TAL1: variants seen among roughly 807,000 people sequenced by gnomAD.
The protein encoded by TAL1 is T-cell acute lymphocytic leukemia protein 1.
Under a neutral mutation model 17.9 loss-of-function variants are expected in TAL1, and 8 were observed. The ratio of observed to expected loss-of-function variants is 0.45; its 90% CI spans 0.26 to 0.81. The LOEUF (loss-of-function observed/expected upper bound fraction) is 0.81, where lower values mean the gene tolerates loss of function less well. Among genes scored for constraint, TAL1 ranks in the 30% least tolerant of loss-of-function variants. TAL1 has a pLI of 0.17. For synonymous variants in TAL1, 223 were observed against 218.6 expected, an observed-to-expected ratio of 1.02 and a Z score of -0.18; for missense variants, 466 against 486.9, an observed-to-expected ratio of 0.96 and a Z score of 0.40.
intron 3 of TAL1, among the ~76,000 whole-genome samples, chr1:47,220,643 T>C (rs1569892159): frequency 6.6e-6 from 1 of 152,266 alleles, no homozygotes; most frequent in African/African-American, 2.4e-5. Context: ...AAAATGGAGG[T>C]AATACTACTA....
At chr1:47,219,248 C>T (rs777003719) in exon 4 of TAL1, 10 of 443,886 alleles carry the variant, frequency 2.3e-5, no homozygotes, top group African/African-American at 3.9e-5. Context: ...ATGGGGCTCA[C>T]GAAATGGGCA....
intron 1 of TAL1, chr1:47,228,821 G>A (rs962448556): frequency 4.4e-5 from 7 of 157,536 alleles, no homozygotes; most frequent in African/African-American, 1.7e-4. Context: ...CTCGAGCTGG[G>A]ACTGCACTAG....
exon 4 of TAL1, chr1:47,219,321 A>G (rs1443937941): frequency 2.0e-6 from 1 of 512,272 alleles, no homozygotes; most frequent in Admixed American, 2.5e-5. Flanking sequence ...CCAGCTTGGG[A>G]GGGGCTAAAG....
chr1:47,225,625 C>T, exon 2 of TAL1: 1 of 1,382,500 alleles, frequency 7.2e-7, no homozygotes. Context: ...CGGTGGTGGG[C>T]ACCCGATGGC....
chr1:47,225,760 G>A, exon 2 of TAL1: 1 of 1,545,334 alleles, frequency 6.5e-7, no homozygotes, highest in Non-Finnish European at 8.6e-7. Flanking sequence ...CTGCGGCCGC[G>A]CGGCTCGTCT....
At chr1:47,222,015 G>C (rs1431098234) in intron 3 of TAL1, among the ~76,000 whole-genome samples, 2 of 152,230 alleles carry the variant, frequency 1.3e-5, no homozygotes, top group Non-Finnish European at 2.9e-5. Context: ...ACCCAGCCTG[G>C]GAAAAACACA....
upstream of TAL1, chr1:47,230,335 T>C (rs1401477554): frequency 6.6e-6 from 1 of 152,258 alleles, no homozygotes; most frequent in Non-Finnish European, 1.5e-5. Flanking sequence ...GTCAGGCTTA[T>C]GATCACACAT....
At position 47,225,412 on chromosome 1, in the gene TAL1, AGCCCCTGGCCCCTG is replaced by A. The variant is rs539277429; in HGVS notation, c.446+17_446+30del. 5.7e-6 allele frequency: 7 copies of A among 1,220,918 alleles called. No homozygotes were observed. Among genetic ancestry groups the A allele is most frequent in the South Asian group, 8.3e-5 (2 of 24,032 alleles). 75.6% of individuals were successfully genotyped at this position (1,220,918 alleles called of 1,614,324 possible). On this transcript the variant is annotated intron_variant, in intron 2 of 3. Transcript: ENST00000294339. ...GGGTGGTCGCCCTGCCCACCCGCCCAGCCCCTGGCCCCTGGCCCCTGGCCCCTGACCTGCCGAGA... is the reference window on the plus strand; with the variant it reads ...GGGTGGTCGCCCTGCCCACCCGCCCAGCCCCTGGCCCCTGACCTGCCGAGA...
exon 4 of TAL1, chr1:47,219,650 C>G (rs1645570393): frequency 6.3e-7 from 1 of 1,591,754 alleles, no homozygotes; most frequent in African/African-American, 1.3e-5. Flanking sequence ...TCTCACCCCA[C>G]CTGCCCTGAA....
intron 1 of TAL1, chr1:47,227,741 T>C (rs1449245721): frequency 6.6e-6 from 1 of 151,832 alleles, no homozygotes; most frequent in Non-Finnish European, 1.5e-5. Flanking sequence ...TCTCTATCCA[T>C]AGAATGCAAC....
At chr1:47,226,526 C>CCACACA (rs142534636) in intron 1 of TAL1, among the ~76,000 whole-genome samples, 55 of 150,658 alleles carry the variant, frequency 3.7e-4, no homozygotes, top group African/African-American at 1.3e-3. Flanking sequence ...CCAGCTCCCT[C>CCACACA]CACACACACA....
At chr1:47,216,360 C>T (rs1474430445) in exon 4 of TAL1, 4 of 224,844 alleles carry the variant, frequency 1.8e-5, no homozygotes, top group African/African-American at 4.5e-5. Context: ...ATCATCACCA[C>T]ATGGGTTTTT....
At chr1:47,224,097 C>T (rs200389643) in exon 3 of TAL1, 13 of 1,613,650 alleles carry the variant, frequency 8.1e-6, no homozygotes, top group East Asian at 2.2e-5. Context: ...CCAAAGAACC[C>T]GCTGTGGGAG....
chr1:47,226,489 G>C (rs1425534854), intron 1 of TAL1, among the ~76,000 whole-genome samples: 2 of 152,308 alleles, frequency 1.3e-5, no homozygotes, highest in Admixed American at 6.5e-5. Flanking sequence ...CACTCCGCCA[G>C]AGCTGGCAGA....
chr1:47,227,620 T>A (rs1191474679), intron 1 of TAL1: 1 of 152,120 alleles, frequency 6.6e-6, no homozygotes, highest in Non-Finnish European at 1.5e-5. Flanking sequence ...CCCCCAGGTC[T>A]GGCACAGAAA....
chr1:47,218,465 G>C (rs1395915232), exon 4 of TAL1: 1 of 232,842 alleles, frequency 4.3e-6, no homozygotes, highest in East Asian at 6.0e-5. Context: ...ACTTTCAGAG[G>C]GGAGCACTTC....
chr1:47,231,128 C>T (rs1288690545), upstream of TAL1: 1 of 170,592 alleles, frequency 5.9e-6, no homozygotes, highest in African/African-American at 2.4e-5. Context: ...GCGAGCGCTG[C>T]TCAGCTTCAA....
At chr1:47,217,666 T>A in exon 4 of TAL1, 2 of 398,594 alleles carry the variant, frequency 5.0e-6, no homozygotes, top group Non-Finnish European at 8.8e-6. Flanking sequence ...CAGAGTCACA[T>A]GGCAAGTCTG....
At chr1:47,225,768 T>C in exon 2 of TAL1, 1 of 1,550,926 alleles carries the variant, frequency 6.4e-7, no homozygotes, top group East Asian at 2.6e-5. Context: ...GCGCGGCTCG[T>C]CTCCTTGGCG....
Sources: gnomAD v4.1 joint callset for allele counts (sites outside exome capture counted in the v4.1 genomes callset) on GRCh38, gnomAD v4.1.1 for gene constraint, MANE v1.5 for transcripts, NCBI Gene and HGNC (gene_info 2026-07-23, HGNC 2026-07-21) for gene names.